ERICH1: variants seen among roughly 807,000 people sequenced by gnomAD.
ERICH1 encodes glutamate-rich protein 1.
ERICH1 carries 56 observed loss-of-function variants against 39.6 expected under a neutral mutation model. The ratio of observed to expected loss-of-function variants is 1.41; its 90% CI spans 1.14 to 1.77. The LOEUF (loss-of-function observed/expected upper bound fraction) is 1.77, where lower values mean the gene tolerates loss of function less well. ERICH1 is among the 40% of genes most tolerant of loss of function. The probability of loss-of-function intolerance (pLI) is 0.00; values close to 1 mark genes in which losing one functional copy is unlikely to be tolerated. For missense variants in ERICH1, 826 were observed against 575.4 expected (o/e 1.44, Z -4.45); for synonymous variants, 313 against 223.6 (o/e 1.40, Z -3.57).
rs1351532745 is a variant in ERICH1, at chr8:630,017, G to C, written c.977-14733C>G. Among the ~76,000 whole-genome samples the C allele has an allele frequency of 4.2e-4, 51 of 122,292 alleles. 1 individual carries two copies. The highest frequency in any genetic ancestry group is 7.7e-4 in the Non-Finnish European group (47 of 60,736). The allele number at this position is 122,292 out of a possible 152,430, so 80.2% of individuals were successfully genotyped here. On this transcript the variant is annotated intron_variant, in intron 3 of 3. Coordinates refer to the ERICH1 transcript ENST00000522706. ...TCCTGTGAGCACCCACACAGACAAAGCTGACTCACACCCTCCCGTGACCAC... is the reference window on the plus strand; with the variant it reads ...TCCTGTGAGCACCCACACAGACAAACCTGACTCACACCCTCCCGTGACCAC...
chr8:623,850 C>A (rs1321926099), intron 3 of ERICH1, among the ~76,000 whole-genome samples: 1 of 152,108 alleles, frequency 6.6e-6, no homozygotes, highest in Non-Finnish European at 1.5e-5. Context: ...AGACCATGGT[C>A]TCTTAGATAT....
chr8:672,408 TCTG>T (rs1803645063), intron 4 of ERICH1, among the ~76,000 whole-genome samples: 1 of 152,222 alleles, frequency 6.6e-6, no homozygotes, highest in African/African-American at 2.4e-5. Flanking sequence ...AAATGGTACT[TCTG>T]CATCTTTGTT....
At chr8:682,730 T>G (rs1806414654) in intron 3 of ERICH1, among the ~76,000 whole-genome samples, 1 of 152,246 alleles carries the variant, frequency 6.6e-6, no homozygotes, top group African/African-American at 2.4e-5. Context: ...TACATTCTGA[T>G]GAACTGCTGG....
At chr8:727,298 T>A (rs1216500293) in intron 1 of ERICH1, among the ~76,000 whole-genome samples, 1 of 152,020 alleles carries the variant, frequency 6.6e-6, no homozygotes, top group African/African-American at 2.4e-5. Context: ...CACAGACATC[T>A]CTCCCGGACT....
chr8:622,914 T>C (rs769649003), intron 3 of ERICH1, among the ~76,000 whole-genome samples: 9 of 152,026 alleles, frequency 5.9e-5, no homozygotes, highest in Non-Finnish European at 1.2e-4. Context: ...GCCATGATTG[T>C]ACCACTGTAC....
intron 1 of ERICH1, among the ~76,000 whole-genome samples, chr8:722,078 C>A (rs974913212): frequency 6.6e-6 from 1 of 152,108 alleles, no homozygotes; most frequent in African/African-American, 2.4e-5. Flanking sequence ...CTGTCAGAAG[C>A]CTGAGGCTGG....
intron 3 of ERICH1, among the ~76,000 whole-genome samples, chr8:678,079 T>A (rs1805266074): frequency 6.6e-6 from 1 of 152,014 alleles, no homozygotes; most frequent in South Asian, 2.1e-4. Flanking sequence ...GGCCATAAAA[T>A]GTTAAGTTTG....
At chr8:720,162 G>C (rs1022345504) in intron 1 of ERICH1, among the ~76,000 whole-genome samples, 1 of 152,220 alleles carries the variant, frequency 6.6e-6, no homozygotes, top group Non-Finnish European at 1.5e-5. Flanking sequence ...TGGAGGAAGA[G>C]GAATGTCCTG....
intron 2 of ERICH1, among the ~76,000 whole-genome samples, chr8:698,044 CG>C (rs1440607214): frequency 1.3e-5 from 2 of 152,106 alleles, no homozygotes; most frequent in Non-Finnish European, 2.9e-5. Context: ...CCCTCGGACC[CG>C]GGGGTGGGTG....
Position 631,440 on chromosome 8 carries a change from G to T in ERICH1, c.977-16156C>A, listed in dbSNP as rs1012372464. On this transcript the variant is annotated intron_variant, in intron 3 of 3. Transcript: ENST00000522706. ...TCATGCAGGCGGGTGAGGATGGGGGGATGTGCCCTGGGGTCTGTAACCTGA... is the reference window on the plus strand; with the variant it reads ...TCATGCAGGCGGGTGAGGATGGGGGTATGTGCCCTGGGGTCTGTAACCTGA... Among the ~76,000 whole-genome samples, 5 of 152,198 alleles carry T rather than the reference G, an allele frequency of 3.3e-5. No individual in the cohort carries two copies. In the East Asian group the frequency reaches 9.7e-4, roughly 29 times the overall value.
In ERICH1 at chr8:668,770, T is replaced by A. The variant is rs748136718; in HGVS notation, c.1086A>T (p.Ser362=). 2 of 1,611,056 alleles carry A rather than the reference T, an allele frequency of 1.2e-6. No homozygotes were observed. Among genetic ancestry groups the A allele is most frequent in the Non-Finnish European group, 1.7e-6 (2 of 1,178,146 alleles). Residue 362 remains serine (S), a synonymous_variant, in exon 5 of 6, where the codon TCA becomes TCT. Coordinates refer to ENST00000262109, the MANE Select transcript of ERICH1 (RefSeq NM_207332.3). ...FYDGVSRDAA[S]AALADAAEEL... ...CCTCAGCGGCATCTGCGAGGGCAGC[T>A]GAAGCTGCATCTCTGGAGACACCTA... is the stretch of plus-strand genomic sequence containing the variant.
chr8:704,521 C>G (rs1812826310), intron 2 of ERICH1, among the ~76,000 whole-genome samples: 1 of 152,240 alleles, frequency 6.6e-6, no homozygotes, highest in African/African-American at 2.4e-5. Context: ...CTGCTCACTC[C>G]ACTAAAGGTT....
In ERICH1 at chr8:664,500, A is replaced by T; in HGVS notation, c.*103T>A. 1 of 1,408,436 alleles carries T rather than the reference A, an allele frequency of 7.1e-7. No homozygotes were observed. The highest frequency in any genetic ancestry group is 9.3e-7 in the Non-Finnish European group (1 of 1,076,464). The allele number at this position is 1,408,436 out of a possible 1,614,324, so 87.2% of individuals were successfully genotyped here. A position where few individuals can be genotyped will look rare whatever the true frequency, so the allele number is the denominator to read the frequency against. On this transcript the variant is annotated 3_prime_UTR_variant, in exon 6 of 6. Transcript: ENST00000262109. ...AACACGTGAATAAATAATATGGCAT[A>T]AATGTCTTTCAAGTTCCCAGAGAAC...
chr8:697,917 T>C (rs1810725373), intron 2 of ERICH1, among the ~76,000 whole-genome samples: 1 of 151,426 alleles, frequency 6.6e-6, no homozygotes, highest in South Asian at 2.1e-4. Context: ...AGGAGCTTTG[T>C]TGTGGGGAAT....
intron 2 of ERICH1, 136 bp from the exon 3 acceptor site, chr8:692,748 A>C (rs1652396441): frequency 9.6e-7 from 1 of 1,038,918 alleles, no homozygotes; most frequent in Non-Finnish European, 1.3e-6. Flanking sequence ...AAACCTAACC[A>C]CTGTCATAAA....
At chr8:670,030 C>T (rs1049235880) in intron 4 of ERICH1, among the ~76,000 whole-genome samples, 13 of 152,172 alleles carry the variant, frequency 8.5e-5, no homozygotes, top group Non-Finnish European at 1.5e-4. Context: ...CAACTTCCCA[C>T]TCCATGTCTG....
chr8:727,076 TACACAC>T (rs767974802), intron 1 of ERICH1, among the ~76,000 whole-genome samples: 2 of 139,328 alleles, frequency 1.4e-5, no homozygotes, highest in Admixed American at 7.1e-5. Flanking sequence ...CACATACACA[TACACAC>T]ACGCACACCA....
intron 1 of ERICH1, 143 bp from the exon 2 acceptor site, chr8:716,150 T>A: frequency 9.8e-7 from 1 of 1,023,534 alleles, no homozygotes; most frequent in Non-Finnish European, 1.4e-6. Flanking sequence ...CCTCCCACGC[T>A]GGGCACTGCA....
chr8:678,899 G>C (rs1303561013), intron 3 of ERICH1, among the ~76,000 whole-genome samples: 1 of 152,078 alleles, frequency 6.6e-6, no homozygotes, highest in African/African-American at 2.4e-5. Context: ...CGTCCCTCAC[G>C]GCTCTGGGCC....
Sources: allele counts gnomAD v4.1 joint callset (sites outside exome capture counted in the v4.1 genomes callset), GRCh38; gene constraint gnomAD v4.1.1; transcripts MANE v1.5; gene names NCBI Gene and HGNC (gene_info 2026-07-23, HGNC 2026-07-21).